Variants in KPNA1 observed in about 807,000 individuals in gnomAD.
KPNA1 encodes the protein importin subunit alpha-5.
A neutral mutation model predicts 70.5 loss-of-function variants in KPNA1; 10 were observed. That is an observed-to-expected ratio of 0.14 (90% CI 0.09 to 0.24). KPNA1 has a LOEUF of 0.24. KPNA1 is among the 10% of genes least tolerant of loss of function. The probability of loss-of-function intolerance (pLI) is 1.00; values close to 1 mark genes in which losing one functional copy is unlikely to be tolerated. For synonymous variants in KPNA1, 192 were observed against 221.9 expected (o/e 0.87, Z 1.20); for missense variants, 397 against 637.9 (o/e 0.62, Z 4.07).
chr3:122,461,103 A>C, intron 5 of KPNA1, 121 bp downstream of exon 5: 1 of 569,286 alleles, frequency 1.8e-6, no homozygotes, highest in Non-Finnish European at 3.1e-6. Context: ...AGTTGTCAGG[A>C]ATATCATTAT....
intron 1 of KPNA1, among the ~76,000 whole-genome samples, chr3:122,502,788 T>C (rs1430170296): frequency 6.6e-6 from 1 of 152,194 alleles, no homozygotes. Context: ...TATCACAATA[T>C]GGCACAATAA....
At chr3:122,447,253 C>T (rs1271421350) in intron 9 of KPNA1, among the ~76,000 whole-genome samples, 1 of 152,176 alleles carries the variant, frequency 6.6e-6, no homozygotes, top group African/African-American at 2.4e-5. Flanking sequence ...CCCTGATGAA[C>T]ATTGATGTGA....
At chr3:122,439,214 G>A (rs1052837455) in intron 10 of KPNA1, among the ~76,000 whole-genome samples, 4 of 152,060 alleles carry the variant, frequency 2.6e-5, no homozygotes, top group African/African-American at 7.2e-5. Context: ...ACATAGTCTC[G>A]TTCTATCACT....
rs1249692227 is a variant in KPNA1, at chr3:122,424,588, G to GT, written c.*2396dup. ...AGATCACGTCAGTTAAATAGACTTT[G>GT]TTTTAATTCACTCACTGAAACATCT... On this transcript the variant is annotated 3_prime_UTR_variant, in exon 14 of 14. Transcript: ENST00000344337. 6.6e-6 allele frequency: 1 copy of GT among 152,624 alleles called. No individual in the cohort carries two copies. Among genetic ancestry groups the GT allele is most frequent in the East Asian group, 1.9e-4 (1 of 5,196 alleles). The allele number at this position is 152,624 out of a possible 1,614,324, so 9.5% of individuals were successfully genotyped here.
At chr3:122,481,188 C>A (rs1481124753) in intron 2 of KPNA1, among the ~76,000 whole-genome samples, 2 of 152,128 alleles carry the variant, frequency 1.3e-5, no homozygotes, top group African/African-American at 4.8e-5. Flanking sequence ...CCGTATAGTA[C>A]ATACATAGAA....
chr3:122,427,854 A>G, intron 12 of KPNA1, 138 bp from the exon 13 acceptor site: 1 of 483,524 alleles, frequency 2.1e-6, no homozygotes, highest in Non-Finnish European at 3.4e-6. Flanking sequence ...CAACCATACA[A>G]GCTATACCTT....
Position 122,451,524 on chromosome 3 carries a change from T to C in KPNA1, c.753+10A>G, listed in dbSNP as rs1194491839. The C allele has an allele frequency of 6.5e-7, 1 of 1,538,568 alleles. No homozygotes were observed. Among genetic ancestry groups the C allele is most frequent in the Non-Finnish European group, 9.0e-7 (1 of 1,117,240 alleles). Reference sequence around the variant, plus strand: ...TTTTTCTGCCAATGTCCCAAAAGCATAGTCCTTACCTTTGCAAATTCTGGA... The same window carrying C: ...TTTTTCTGCCAATGTCCCAAAAGCACAGTCCTTACCTTTGCAAATTCTGGA... On this transcript the variant is annotated intron_variant, in intron 8 of 13. Transcript: ENST00000344337.
At chr3:122,489,837 C>T (rs769708852) in intron 2 of KPNA1, among the ~76,000 whole-genome samples, 5 of 152,150 alleles carry the variant, frequency 3.3e-5, no homozygotes, top group African/African-American at 7.2e-5. Flanking sequence ...TTTCGGTATA[C>T]AGCTAAGTTA....
chr3:122,457,459 C>T (rs1372809228), intron 5 of KPNA1, among the ~76,000 whole-genome samples: 1 of 152,090 alleles, frequency 6.6e-6, no homozygotes, highest in African/African-American at 2.4e-5. Flanking sequence ...AAAATCTTCA[C>T]TTCTTTTGTT....
chr3:122,452,482 C>G (rs1361131640), intron 6 of KPNA1, among the ~76,000 whole-genome samples: 2 of 137,002 alleles, frequency 1.5e-5, no homozygotes, highest in Admixed American at 1.6e-4. Flanking sequence ...GCACTCCAGC[C>G]TGGGTGACAG....
chr3:122,453,802 T>A, intron 6 of KPNA1, 68 bp downstream of exon 6: 1 of 1,503,104 alleles, frequency 6.7e-7, no homozygotes, highest in Non-Finnish European at 9.0e-7. Flanking sequence ...AATGTTGGGA[T>A]TACAGGAGTG....
At position 122,488,774 on chromosome 3, in the gene KPNA1, T is replaced by C. The variant is rs544220193; in HGVS notation, c.129+7663A>G. On this transcript the variant is annotated intron_variant, in intron 2 of 13. Coordinates refer to ENST00000344337, the MANE Select transcript of KPNA1 (RefSeq NM_002264.4). ...TATCTCTGTTCCTCTGCAGGTAACA[T>C]GTCTTTACTCTGGGCGTTTTTAAGA... Among the ~76,000 whole-genome samples, 12 of 152,274 alleles carry C rather than the reference T, an allele frequency of 7.9e-5. 1 individual carries two copies. The highest frequency in any genetic ancestry group is 7.8e-4 in the Admixed American group (12 of 15,290).
chr3:122,467,903 A>T (rs2076399195), intron 2 of KPNA1, among the ~76,000 whole-genome samples: 2 of 152,218 alleles, frequency 1.3e-5, no homozygotes, highest in Non-Finnish European at 2.9e-5. Context: ...ACCAGTGGCA[A>T]CAAATGATGA....
intron 2 of KPNA1, among the ~76,000 whole-genome samples, chr3:122,475,651 G>A (rs193118711): frequency 6.6e-6 from 1 of 152,242 alleles, no homozygotes; most frequent in East Asian, 1.9e-4. Flanking sequence ...CCCCTACGCA[G>A]TCAAAAACCT....
intron 1 of KPNA1, among the ~76,000 whole-genome samples, chr3:122,500,181 G>A (rs904104696): frequency 6.6e-6 from 1 of 151,128 alleles, no homozygotes; most frequent in African/African-American, 2.4e-5. Context: ...GAGTGCAGTG[G>A]CGTAATCTCG....
chr3:122,506,538 G>C lies in KPNA1; in HGVS notation c.-6+8219C>G, dbSNP rs9810101. ...TTTCCTATACGATAATTAAGGAGTA[G>C]CTTTATTTTTATTAAGAGCATTTCA... On this transcript the variant is annotated intron_variant, in intron 1 of 13. Transcript: ENST00000344337. 8.9e-3 allele frequency among the ~76,000 whole-genome samples: 1,352 copies of C among 152,260 alleles called. 20 individuals are homozygous for C. Among genetic ancestry groups the C allele is most frequent in the African/African-American group, 0.031 (1,299 of 41,534 alleles).
chr3:122,447,682 G>GT (rs1454333284), intron 9 of KPNA1, among the ~76,000 whole-genome samples: 15 of 152,260 alleles, frequency 9.9e-5, no homozygotes, highest in African/African-American at 3.6e-4. Flanking sequence ...GGGCAATCAG[G>GT]TAAGAGAAAG....
chr3:122,487,623 A>C (rs2076644456), intron 2 of KPNA1, among the ~76,000 whole-genome samples: 1 of 152,228 alleles, frequency 6.6e-6, no homozygotes, highest in Non-Finnish European at 1.5e-5. Flanking sequence ...ATGAACCTTG[A>C]AGTCATTATG....
intron 1 of KPNA1, among the ~76,000 whole-genome samples, chr3:122,496,837 G>A (rs2076767182): frequency 6.6e-6 from 1 of 152,140 alleles, no homozygotes; most frequent in African/African-American, 2.4e-5. Flanking sequence ...CTGAGTAGCT[G>A]GGACCACAGG....
Sources: gnomAD v4.1 joint callset for allele counts (sites outside exome capture counted in the v4.1 genomes callset) on GRCh38, gnomAD v4.1.1 for gene constraint, MANE v1.5 for transcripts, NCBI Gene and HGNC (gene_info 2026-07-23, HGNC 2026-07-21) for gene names.